Variants in MARCHF1 observed in about 807,000 individuals in gnomAD.
MARCHF1 encodes the protein membrane associated ring-CH-type finger 1.
In MARCHF1, 40 loss-of-function variants were observed where a neutral mutation model predicts 54.2. The observed-to-expected ratio is 0.74, with a 90% confidence interval of 0.57 to 0.96. The LOEUF (loss-of-function observed/expected upper bound fraction) is 0.96, where lower values mean the gene tolerates loss of function less well. Ranked by LOEUF, MARCHF1 falls within the 40% of genes least tolerant of loss-of-function variation. The pLI, the probability that MARCHF1 is intolerant of heterozygous loss-of-function variation, is 0.00. For missense variants in MARCHF1, 586 were observed against 656.5 expected (o/e 0.89, Z 1.17); for synonymous variants, 236 against 236.3 (o/e 1.00, Z 0.01).
At chr4:163,987,576 A>G (rs920093708) in intron 3 of MARCHF1, among the ~76,000 whole-genome samples, 16 of 152,164 alleles carry the variant, frequency 1.1e-4, no homozygotes, top group Non-Finnish European at 2.1e-4. Context: ...AGGGAAAAAA[A>G]AGGTTAACAT....
At chr4:163,658,721 C>T (rs1579166775) in intron 5 of MARCHF1, among the ~76,000 whole-genome samples, 1 of 151,930 alleles carries the variant, frequency 6.6e-6, no homozygotes, top group Non-Finnish European at 1.5e-5. Context: ...GTTCTCACTT[C>T]TAAGTGGGTG....
intron 4 of MARCHF1, among the ~76,000 whole-genome samples, chr4:163,706,602 T>C (rs1744955578): frequency 6.6e-6 from 1 of 151,978 alleles, no homozygotes; most frequent in African/African-American, 2.4e-5. Context: ...TAAATTGTGA[T>C]CTGAACAAAT....
intron 8 of MARCHF1, chr4:163,584,497 T>C (rs1740341733): frequency 6.6e-6 from 1 of 152,196 alleles, no homozygotes; most frequent in Non-Finnish European, 1.5e-5. Flanking sequence ...TCCATTTCTA[T>C]TTCTGGCATT....
intron 1 of MARCHF1, among the ~76,000 whole-genome samples, chr4:164,336,658 G>T (rs1383845901): frequency 2.0e-5 from 3 of 152,142 alleles, no homozygotes; most frequent in Non-Finnish European, 4.4e-5. Context: ...ATCTGTATAA[G>T]CACTGCTTTT....
chr4:164,341,799 G>A (rs1729939160), intron 1 of MARCHF1, among the ~76,000 whole-genome samples: 1 of 152,100 alleles, frequency 6.6e-6, no homozygotes, highest in Non-Finnish European at 1.5e-5. Context: ...TATGTTATGA[G>A]GGAACATAAA....
Position 163,854,081 on chromosome 4 carries a change from G to T in MARCHF1, c.51C>A (p.Asn17Lys), listed in dbSNP as rs778012851. ...CTGAGATCTCGGGTGTTCGCGTGTT[G>T]TTTGGAATTCTGTGAGGGTTACGGG... Reference protein sequence around the residue: ...AIARNPHRIPNNTRTPEISGD... With the variant: ...AIARNPHRIPKNTRTPEISGD... Residue 17 changes from asparagine (N) to lysine (K), a missense_variant, in exon 4 of 10, where the codon AAC (asparagine) becomes AAA (lysine). Around this residue, in one of 3 missense-constraint regions of MARCHF1, gnomAD observed 387 missense variants for 394.6 expected, o/e 0.98. Coordinates refer to ENST00000514618, the MANE Select transcript of MARCHF1 (RefSeq NM_001394959.1). 212 of 1,536,886 alleles carry T rather than the reference G, an allele frequency of 1.4e-4. No homozygotes were observed. Among genetic ancestry groups the T allele is most frequent in the Non-Finnish European group, 1.8e-4 (206 of 1,146,676 alleles).
intron 8 of MARCHF1, among the ~76,000 whole-genome samples, chr4:163,570,330 A>G (rs1739801303): frequency 6.6e-6 from 1 of 152,132 alleles, no homozygotes; most frequent in Non-Finnish European, 1.5e-5. Context: ...GATGGGAGAG[A>G]CAATAATATC....
chr4:163,983,775 T>G (rs183234025), intron 3 of MARCHF1, among the ~76,000 whole-genome samples: 1 of 152,150 alleles, frequency 6.6e-6, no homozygotes, highest in African/African-American at 2.4e-5. Flanking sequence ...TAAGGAACTT[T>G]CTGATTCTGG....
chr4:163,555,888 A>G (rs1227565710), intron 8 of MARCHF1: 1 of 455,112 alleles, frequency 2.2e-6, no homozygotes, highest in Non-Finnish European at 4.4e-6. Context: ...GAATCTGCAC[A>G]GGTCTGTGGT....
At chr4:164,233,676 C>A (rs1732475232) in intron 1 of MARCHF1, among the ~76,000 whole-genome samples, 1 of 152,020 alleles carries the variant, frequency 6.6e-6, no homozygotes, top group Non-Finnish European at 1.5e-5. Flanking sequence ...TAGGTCCTAT[C>A]CTCCAAGATG....
At chr4:164,112,011 A>G (rs2111184062) in intron 1 of MARCHF1, among the ~76,000 whole-genome samples, 1 of 151,992 alleles carries the variant, frequency 6.6e-6, no homozygotes, top group Admixed American at 6.6e-5. Context: ...GACACTCAGG[A>G]ACCTCTCCAA....
At chr4:164,270,506 T>C (rs1733719551) in intron 1 of MARCHF1, among the ~76,000 whole-genome samples, 1 of 152,202 alleles carries the variant, frequency 6.6e-6, no homozygotes, top group South Asian at 2.1e-4. Context: ...CACTGGTGTA[T>C]TCTTAAAGCA....
Position 163,525,708 on chromosome 4 carries a change from C to A in MARCHF1, c.*3040G>T, listed in dbSNP as rs1054467163. 3.3e-5 allele frequency: 5 copies of A among 150,318 alleles called. No homozygotes were observed. Among genetic ancestry groups the A allele is most frequent in the African/African-American group, 1.2e-4 (5 of 40,872 alleles). 9.3% of individuals were successfully genotyped at this position (150,318 alleles called of 1,614,324 possible). The stretch of plus-strand genomic sequence containing the variant: ...GTAATTTCATTCTTCAATTTTAGTC[C>A]TTTTTTTTTCAATTCCATTTTATTT... On this transcript the variant is annotated 3_prime_UTR_variant, in exon 10 of 10. Coordinates refer to ENST00000514618, the MANE Select transcript of MARCHF1 (RefSeq NM_001394959.1).
At chr4:163,928,134 A>G (rs969629342) in intron 3 of MARCHF1, among the ~76,000 whole-genome samples, 3 of 151,908 alleles carry the variant, frequency 2.0e-5, no homozygotes, top group Non-Finnish European at 4.4e-5. Flanking sequence ...GTAATTCTCT[A>G]CAGTAGAAAA....
At chr4:163,620,598 CACACACACAGAGAG>C (rs1432882506) in intron 5 of MARCHF1, among the ~76,000 whole-genome samples, 13 of 82,874 alleles carry the variant, frequency 1.6e-4, no homozygotes, top group African/African-American at 6.3e-4. Context: ...CACACACACA[CACACACACAGAGAG>C]AGAGAGAGAG....
rs1411122608 is a variant in MARCHF1 at position 163,868,995 on chromosome 4, T to C, written c.-38-14826A>G. ...ATTTTCACTAATATTTAATAGACCA[T>C]TTACAATGTGTCTAACAGTCTCTTT... On this transcript the variant is annotated intron_variant, in intron 3 of 9. Coordinates refer to ENST00000514618, the MANE Select transcript of MARCHF1 (RefSeq NM_001394959.1). Among the ~76,000 whole-genome samples the C allele has an allele frequency of 6.2e-5, 9 of 146,134 alleles. No homozygotes were observed. In the East Asian group the frequency reaches 1.9e-3, roughly 30 times the overall value.
chr4:163,976,997 G>T lies in MARCHF1; in HGVS notation c.-39+11504C>A, dbSNP rs1030376526. ...TTCTGTTAAGTCATTAAGTTTTGGG[G>T]CAATTTATTACACAGAAATAGCAAC... On this transcript the variant is annotated intron_variant, in intron 3 of 9. Transcript: ENST00000514618. 2.0e-5 allele frequency among the ~76,000 whole-genome samples: 3 copies of T among 151,942 alleles called. No homozygotes were observed. In the South Asian group the frequency reaches 6.2e-4, roughly 31 times the overall value.
At position 163,602,811 on chromosome 4, in the gene MARCHF1, C is replaced by T. The variant is rs1327869897; in HGVS notation, c.1010+9460G>A. Among the ~76,000 whole-genome samples, 10 of 151,524 alleles carry T rather than the reference C, an allele frequency of 6.6e-5. No homozygotes were observed. The South Asian group carries it at 1.9e-3, about 28-fold the overall frequency. On this transcript the variant is annotated intron_variant, in intron 7 of 9. Transcript: ENST00000514618. Reference sequence around the variant, plus strand: ...ACAGAATGTCAGTCTCATTTTTGTACAGAAAAAATAATAGGGAGAAGTAAC... The same window carrying T: ...ACAGAATGTCAGTCTCATTTTTGTATAGAAAAAATAATAGGGAGAAGTAAC...
chr4:164,109,152 G>A (rs1254768070), intron 2 of MARCHF1, among the ~76,000 whole-genome samples: 1 of 152,000 alleles, frequency 6.6e-6, no homozygotes, highest in Non-Finnish European at 1.5e-5. Flanking sequence ...ACTGTTGATT[G>A]AAGTGATAAA....
Sources: allele counts gnomAD v4.1 joint callset (sites outside exome capture counted in the v4.1 genomes callset), GRCh38; gene constraint gnomAD v4.1.1; regional missense constraint gnomAD v4.1.1; transcripts MANE v1.5; gene names NCBI Gene and HGNC (gene_info 2026-07-23, HGNC 2026-07-21).